The following CTNND2 variants were observed in gnomAD, a reference collection of about 807,000 sequenced individuals.
CTNND2 encodes the protein catenin delta 2, also known as catenin delta-2.
In CTNND2, 22 loss-of-function variants were observed where a neutral mutation model predicts 144.4. The ratio of observed to expected loss-of-function variants is 0.15; its 90% CI spans 0.11 to 0.22. The LOEUF (loss-of-function observed/expected upper bound fraction) is 0.22, where lower values mean the gene tolerates loss of function less well. CTNND2 is among the 10% of genes least tolerant of loss of function. CTNND2 has a pLI of 1.00. For missense variants in CTNND2, 1,353 were observed against 1,618.8 expected (o/e 0.84, Z 2.82); for synonymous variants, 751 against 695.6 (o/e 1.08, Z -1.25).
chr5:11,484,286 C>T lies in CTNND2; in HGVS notation c.288-72217G>A, dbSNP rs151000221. Among the ~76,000 whole-genome samples, 441 of 152,296 alleles carry T rather than the reference C, an allele frequency of 2.9e-3. 2 individuals are homozygous for T. The highest frequency in any genetic ancestry group is 5.5e-3 in the Non-Finnish European group (375 of 68,032). On this transcript the variant is annotated intron_variant, in intron 3 of 21. Coordinates refer to ENST00000304623, the MANE Select transcript of CTNND2 (RefSeq NM_001332.4). ...ACGTCATACAAATGGAGAGTCTGTC[C>T]ATCATGTTACGCATAGTTGAATTTG...
In CTNND2 at chr5:10,988,015, G is replaced by A; in HGVS notation, c.3343+96C>T. 1 of 1,525,382 alleles carries A rather than the reference G, an allele frequency of 6.6e-7. No individual in the cohort carries two copies. The highest frequency in any genetic ancestry group is 8.9e-7 in the Non-Finnish European group (1 of 1,121,512). 94.5% of individuals were successfully genotyped at this position (1,525,382 alleles called of 1,614,324 possible). ...CTGCTAAGTCCTGCTCAGCAGCCAA[G>A]CGCAGCCAGCCCCGTGAAGCCTGAT... is the stretch of plus-strand genomic sequence containing the variant. On this transcript the variant is annotated intron_variant, in intron 20 of 21. Transcript: ENST00000304623. This position sits in a 1 kb window ranked among gnomAD's most constrained non-coding sequence, Gnocchi z 5.9.
chr5:11,862,026 A>C (rs1795527992), intron 1 of CTNND2, among the ~76,000 whole-genome samples: 1 of 152,104 alleles, frequency 6.6e-6, no homozygotes. Flanking sequence ...AATCCCTCTA[A>C]ACTTGCTCTG....
intron 10 of CTNND2, among the ~76,000 whole-genome samples, chr5:11,200,719 C>A (rs1412507837): frequency 1.3e-5 from 2 of 152,140 alleles, no homozygotes; most frequent in Non-Finnish European, 2.9e-5. Context: ...CGCTCTGTCA[C>A]CCAGGCTGGA....
chr5:11,170,383 T>C (rs1049852498), intron 11 of CTNND2, among the ~76,000 whole-genome samples: 13 of 152,246 alleles, frequency 8.5e-5, no homozygotes, highest in African/African-American at 3.1e-4. Context: ...TTCAGTTTTA[T>C]ATGTTTTTAA....
At chr5:11,885,697 C>A (rs1166546352) in intron 1 of CTNND2, among the ~76,000 whole-genome samples, 1 of 152,144 alleles carries the variant, frequency 6.6e-6, no homozygotes, top group East Asian at 1.9e-4. Context: ...ATTTATTGAA[C>A]ATTTCATCCA....
intron 1 of CTNND2, among the ~76,000 whole-genome samples, chr5:11,777,161 C>T (rs1790300107): frequency 6.6e-6 from 1 of 152,080 alleles, no homozygotes; most frequent in Non-Finnish European, 1.5e-5. Flanking sequence ...AATATATTAC[C>T]ATAATCGACC....
chr5:11,005,307 C>A (rs184105894), intron 18 of CTNND2, among the ~76,000 whole-genome samples: 2 of 152,148 alleles, frequency 1.3e-5, no homozygotes, highest in African/African-American at 4.8e-5. Flanking sequence ...CGGAAGTCAG[C>A]GCAGGGAGGT....
At chr5:11,576,809 G>A (rs1328211657) in intron 2 of CTNND2, among the ~76,000 whole-genome samples, 7 of 152,096 alleles carry the variant, frequency 4.6e-5, no homozygotes, top group Admixed American at 3.3e-4. Flanking sequence ...ATTTCAGAGT[G>A]CAGTAGCTCT....
At chr5:11,854,824 A>G (rs1334752187) in intron 1 of CTNND2, among the ~76,000 whole-genome samples, 1 of 152,206 alleles carries the variant, frequency 6.6e-6, no homozygotes, top group East Asian at 1.9e-4. Flanking sequence ...TTACCTGTAA[A>G]ATCAGGATAA....
chr5:11,513,005 A>G (rs1359163445), intron 3 of CTNND2, among the ~76,000 whole-genome samples: 2 of 152,072 alleles, frequency 1.3e-5, no homozygotes, highest in East Asian at 1.9e-4. Flanking sequence ...TCCTTTCCAT[A>G]TCTTCATGAA....
intron 11 of CTNND2, among the ~76,000 whole-genome samples, chr5:11,177,533 A>C (rs550577400): frequency 1.3e-5 from 2 of 152,160 alleles, no homozygotes; most frequent in African/African-American, 4.8e-5. Flanking sequence ...ATTAATCAAA[A>C]TATATGTATA....
At chr5:11,345,760 A>T (rs1006632399) in intron 9 of CTNND2, among the ~76,000 whole-genome samples, 2 of 151,850 alleles carry the variant, frequency 1.3e-5, no homozygotes, top group African/African-American at 4.8e-5. Context: ...ACCCCTTGCC[A>T]CTGATGGAAA....
chr5:11,220,197 A>G (rs745647276), intron 10 of CTNND2, among the ~76,000 whole-genome samples: 101 of 152,250 alleles, frequency 6.6e-4, no homozygotes, highest in Admixed American at 1.4e-3. Context: ...ATAAAAAAAA[A>G]AATTTAGAGT....
At chr5:11,561,900 G>A (rs1016015639) in intron 3 of CTNND2, among the ~76,000 whole-genome samples, 2 of 152,060 alleles carry the variant, frequency 1.3e-5, no homozygotes, top group Non-Finnish European at 2.9e-5. Flanking sequence ...TTAAAAATTA[G>A]CTGAGTGTTA....
intron 10 of CTNND2, among the ~76,000 whole-genome samples, chr5:11,204,598 T>C (rs1429377455): frequency 2.0e-5 from 3 of 152,218 alleles, no homozygotes; most frequent in Non-Finnish European, 4.4e-5. Context: ...ATAATCTGCA[T>C]ATATTGACAA....
chr5:11,559,381 T>A (rs1051276653), intron 3 of CTNND2, among the ~76,000 whole-genome samples: 3 of 152,162 alleles, frequency 2.0e-5, no homozygotes, highest in African/African-American at 4.8e-5. Context: ...GCTGAGACAA[T>A]AAATGTTTCC....
chr5:11,856,613 G>C (rs1193795285), intron 1 of CTNND2, among the ~76,000 whole-genome samples: 1 of 151,940 alleles, frequency 6.6e-6, no homozygotes, highest in African/African-American at 2.4e-5. Flanking sequence ...GAATATGAAA[G>C]GGCATCAGGA....
intron 1 of CTNND2, among the ~76,000 whole-genome samples, chr5:11,801,833 T>C (rs1331853697): frequency 6.6e-6 from 1 of 152,182 alleles, no homozygotes; most frequent in Non-Finnish European, 1.5e-5. Context: ...TATTTTACAG[T>C]GATTTGTTTA....
intron 11 of CTNND2, among the ~76,000 whole-genome samples, chr5:11,186,566 T>C (rs766281630): frequency 1.3e-5 from 2 of 152,210 alleles, no homozygotes; most frequent in Non-Finnish European, 2.9e-5. Context: ...CGTCAAATTA[T>C]TTTGGCGTCT....
Sources: gnomAD v4.1 joint callset for allele counts (sites outside exome capture counted in the v4.1 genomes callset) on GRCh38, gnomAD v4.1.1 for gene constraint, Gnocchi (gnomAD v3.1) non-coding constraint, MANE v1.5 for transcripts, NCBI Gene and HGNC (gene_info 2026-07-23, HGNC 2026-07-21) for gene names.